The following PKD2L1 variants were observed in gnomAD, a reference collection of about 807,000 sequenced individuals.
PKD2L1 encodes the protein polycystin-2-like protein 1.
PKD2L1 carries 77 observed loss-of-function variants against 93.0 expected under a neutral mutation model. The ratio of observed to expected loss-of-function variants is 0.83; its 90% CI spans 0.69 to 1.00. PKD2L1 has a LOEUF of 1.00. Among genes scored for constraint, PKD2L1 ranks in the 50% least tolerant of loss-of-function variants. PKD2L1 has a pLI of 0.00. For synonymous variants in PKD2L1, 390 were observed against 388.0 expected (o/e 1.01, Z -0.06); for missense variants, 977 against 990.9 (o/e 0.99, Z 0.19).
At chr10:100,301,362 G>A (rs1368411877) in intron 2 of PKD2L1, among the ~76,000 whole-genome samples, 1 of 152,098 alleles carries the variant, frequency 6.6e-6, no homozygotes, top group Non-Finnish European at 1.5e-5. Context: ...CTAATCCTAG[G>A]AAGCCTGGGG....
intron 15 of PKD2L1, 115 bp downstream of exon 15, chr10:100,288,857 C>G: frequency 1.6e-6 from 1 of 635,756 alleles, no homozygotes; most frequent in South Asian, 2.3e-5. Context: ...TGGGGCTCAG[C>G]AGCAGCCATG....
chr10:100,315,390 C>A (rs552858808), intron 2 of PKD2L1, among the ~76,000 whole-genome samples: 1 of 152,020 alleles, frequency 6.6e-6, no homozygotes, highest in Non-Finnish European at 1.5e-5. Context: ...AAGACCTGCA[C>A]GCATTAGATA....
rs755560661 is a variant in PKD2L1 at position 100,330,125 on chromosome 10, C to T, written c.-22G>A. 9.7e-5 allele frequency: 141 copies of T among 1,457,622 alleles called. No homozygotes were observed. The highest frequency in any genetic ancestry group is 1.2e-4 in the Non-Finnish European group (130 of 1,066,584). 90.3% of individuals were successfully genotyped at this position (1,457,622 alleles called of 1,614,324 possible). A position where few individuals can be genotyped will look rare whatever the true frequency, so the allele number is the denominator to read the frequency against. On this transcript the variant is annotated 5_prime_UTR_variant, in exon 1 of 16. Coordinates refer to ENST00000318222, the MANE Select transcript of PKD2L1 (RefSeq NM_016112.3). ...TCATGGGGAATGAGGTGGGGGGGCC[C>T]GGTACCCCAGGTGCCCACTCTCAGC...
At chr10:100,288,776 C>T (rs529705113) in intron 15 of PKD2L1, among the ~76,000 whole-genome samples, 196 bp downstream of exon 15, 1 of 152,230 alleles carries the variant, frequency 6.6e-6, no homozygotes, top group African/African-American at 2.4e-5. Context: ...CACACAGAAA[C>T]ACTGATTCAC....
At chr10:100,321,742 AGAAAGAAAGAAAGAAG>A (rs1221859730) in intron 2 of PKD2L1, among the ~76,000 whole-genome samples, 397 of 7,334 alleles carry the variant, frequency 0.054, 54 homozygotes, top group Non-Finnish European at 0.083. Flanking sequence ...AAAGAAAGAA[AGAAAGAAAGAAAGAAG>A]GGAGGGAGGG....
At position 100,330,008 on chromosome 10, in the gene PKD2L1, G is replaced by C. The variant is rs184117313; in HGVS notation, c.96C>G (p.His32Gln). 2 of 1,613,754 alleles carry C rather than the reference G, an allele frequency of 1.2e-6. No homozygotes were observed. Residue 32 changes from histidine to glutamine, a missense_variant, in exon 1 of 16, where the codon CAC becomes CAG. Physicochemically the swap from His to Gln is conservative, Grantham distance 24. Transcript: ENST00000318222. ...AGATGGTGCAGACTCTCAGCGTCCC[G>C]TGTGGGGAAGGGGGACCACTGTAGG... Reference protein sequence around the residue: ...NPAYSGPPSPHGTLRVCTISS... With the variant: ...NPAYSGPPSPQGTLRVCTISS...
At chr10:100,297,729 TGTGTGTGTGTG>T in intron 4 of PKD2L1, 123 bp from the exon 5 acceptor site, 2 of 621,290 alleles carry the variant, frequency 3.2e-6, no homozygotes, top group Non-Finnish European at 5.7e-6. Context: ...TGTGTGTGTG[TGTGTGTGTGTG>T]TGTGTATGAG....
Position 100,288,961 on chromosome 10 carries a change from C to G in PKD2L1, c.2335+11G>C, listed in dbSNP as rs750807813. 6.3e-7 allele frequency: 1 copy of G among 1,574,936 alleles called. No homozygotes were observed. The highest frequency in any genetic ancestry group is 8.7e-7 in the Non-Finnish European group (1 of 1,154,852). ...AGCCTGCTGTCTGATGCTTTAGGCC[C>G]CCTTCCTCACCACTCTCCTGCCCAC... On this transcript the variant is annotated intron_variant, in intron 15 of 15. Transcript: ENST00000318222.
intron 2 of PKD2L1, among the ~76,000 whole-genome samples, chr10:100,304,237 C>G (rs974371057): frequency 2.0e-5 from 3 of 152,194 alleles, no homozygotes; most frequent in Non-Finnish European, 2.9e-5. Context: ...TACAAACACT[C>G]TTTCTCCCTC....
At chr10:100,313,602 C>T (rs938477020) in intron 2 of PKD2L1, among the ~76,000 whole-genome samples, 52 of 152,184 alleles carry the variant, frequency 3.4e-4, no homozygotes, top group African/African-American at 1.1e-3. Context: ...ACACCATGAC[C>T]GAACCATATG....
chr10:100,299,755 G>T (rs1489462173), intron 2 of PKD2L1, 37 bp from the exon 3 acceptor site: 8 of 1,605,530 alleles, frequency 5.0e-6, no homozygotes, highest in Non-Finnish European at 6.0e-6. Flanking sequence ...CCTTCTCACT[G>T]TTCCCCCAGA....
chr10:100,324,701 T>C (rs1347669883), intron 2 of PKD2L1, among the ~76,000 whole-genome samples: 1 of 152,234 alleles, frequency 6.6e-6, no homozygotes, highest in Non-Finnish European at 1.5e-5. Flanking sequence ...TTATTATCCT[T>C]ATTGGTAGAA....
At chr10:100,316,991 G>A (rs1849113780) in intron 2 of PKD2L1, among the ~76,000 whole-genome samples, 1 of 152,078 alleles carries the variant, frequency 6.6e-6, no homozygotes, top group Non-Finnish European at 1.5e-5. Flanking sequence ...GGGAGGCTGA[G>A]GTGGGAGGAT....
intron 2 of PKD2L1, among the ~76,000 whole-genome samples, chr10:100,306,923 A>C (rs909283448): frequency 6.6e-6 from 1 of 151,482 alleles, no homozygotes. Flanking sequence ...AAACTTGATG[A>C]TCTTTCCTGG....
At chr10:100,291,274 G>T in intron 12 of PKD2L1, 27 bp downstream of exon 12, 1 of 1,607,698 alleles carries the variant, frequency 6.2e-7, no homozygotes. Flanking sequence ...TCCTTACACT[G>T]CCTCTCCACC....
chr10:100,321,705 A>G (rs1189905089), intron 2 of PKD2L1, among the ~76,000 whole-genome samples: 2 of 4,936 alleles, frequency 4.1e-4, no homozygotes, highest in South Asian at 7.7e-3. Flanking sequence ...GAAAGAAAGA[A>G]AGAAAGAAAG....
chr10:100,308,498 C>G (rs972480333), intron 2 of PKD2L1, among the ~76,000 whole-genome samples: 2 of 151,982 alleles, frequency 1.3e-5, no homozygotes, highest in African/African-American at 2.4e-5. Context: ...CTACACCTGG[C>G]TAATTTTTGT....
At chr10:100,324,361 G>A (rs557946158) in intron 2 of PKD2L1, among the ~76,000 whole-genome samples, 1 of 152,146 alleles carries the variant, frequency 6.6e-6, no homozygotes, top group African/African-American at 2.4e-5. Context: ...TGGGTTTTAC[G>A]TAAAATGACA....
chr10:100,309,375 A>G (rs1046207039), intron 2 of PKD2L1, among the ~76,000 whole-genome samples: 1 of 95,242 alleles, frequency 1.0e-5, no homozygotes, highest in African/African-American at 3.8e-5. Flanking sequence ...TAATAATAGT[A>G]AAACAATATA....
Sources: allele counts gnomAD v4.1 joint callset (sites outside exome capture counted in the v4.1 genomes callset), GRCh38; gene constraint gnomAD v4.1.1; transcripts MANE v1.5; gene names NCBI Gene and HGNC (gene_info 2026-07-23, HGNC 2026-07-21).